The following FMN2 variants were observed in gnomAD, a reference collection of about 807,000 sequenced individuals.
The protein encoded by FMN2 is formin 2.
Under a neutral mutation model 142.3 loss-of-function variants are expected in FMN2, and 51 were observed. The ratio of observed to expected loss-of-function variants is 0.36; its 90% confidence interval spans 0.29 to 0.45. The LOEUF is 0.45. Among genes scored for constraint, FMN2 ranks in the 20% least tolerant of loss-of-function variants. The pLI, the probability that FMN2 is intolerant of heterozygous loss-of-function variation, is 1.00. For missense variants in FMN2, 1,936 were observed against 2,122.8 expected (o/e 0.91, Z 1.73); for synonymous variants, 882 against 869.8 (o/e 1.01, Z -0.25).
At chr1:240,191,394 A>G (rs1665690950) in intron 4 of FMN2, among the ~76,000 whole-genome samples, 1 of 152,234 alleles carries the variant, frequency 6.6e-6, no homozygotes, top group South Asian at 2.1e-4. Flanking sequence ...TCAAGTGAAA[A>G]GAACGGACTG....
intron 6 of FMN2, among the ~76,000 whole-genome samples, chr1:240,248,949 A>AT (rs1336782835): frequency 6.6e-6 from 1 of 151,698 alleles, no homozygotes; most frequent in Admixed American, 6.6e-5. Flanking sequence ...TTACTTATTC[A>AT]TTTTTTTATG....
At chr1:240,387,735 T>C (rs2103090458) in intron 14 of FMN2, among the ~76,000 whole-genome samples, 1 of 152,246 alleles carries the variant, frequency 6.6e-6, no homozygotes, top group South Asian at 2.1e-4. Flanking sequence ...AACAAGGAAA[T>C]ATGTGAGATT....
At chr1:240,223,976 A>G (rs1321999340) in intron 6 of FMN2, among the ~76,000 whole-genome samples, 1 of 151,768 alleles carries the variant, frequency 6.6e-6, no homozygotes, top group East Asian at 1.9e-4. Context: ...CCATGTCTCT[A>G]TCTCCTTCAG....
chr1:240,398,818 C>G (rs1673877300), intron 15 of FMN2, among the ~76,000 whole-genome samples: 1 of 152,158 alleles, frequency 6.6e-6, no homozygotes, highest in Non-Finnish European at 1.5e-5. Flanking sequence ...ATTAAATGAT[C>G]TCTGGCAGAT....
In FMN2 at chr1:240,453,946, G is replaced by A. The variant is rs568894315; in HGVS notation, c.5060+15736G>A. Among the ~76,000 whole-genome samples, 32 of 93,774 alleles carry A rather than the reference G, an allele frequency of 3.4e-4. 14 individuals carry two copies. The highest frequency in any genetic ancestry group is 4.5e-4 in the Non-Finnish European group (20 of 44,688). 61.5% of individuals were successfully genotyped at this position (93,774 alleles called of 152,430 possible). ...GGAGCTTGCAGTGAGCCGAGATTGC[G>A]CCACTGCAGTCCGCAGTCCGGCCTG... On this transcript the variant is annotated intron_variant, in intron 16 of 17. Transcript: ENST00000319653.
intron 7 of FMN2, among the ~76,000 whole-genome samples, chr1:240,283,164 C>A (rs556688422): frequency 6.6e-6 from 1 of 152,304 alleles, no homozygotes; most frequent in Non-Finnish European, 1.5e-5. Context: ...TTCCTTCTTA[C>A]ATCTTCTCAG....
intron 8 of FMN2, among the ~76,000 whole-genome samples, chr1:240,317,198 C>A (rs1311538467): frequency 2.0e-5 from 3 of 152,066 alleles, no homozygotes; most frequent in Non-Finnish European, 4.4e-5. Flanking sequence ...CACCTGTAGT[C>A]CTAGCTGCTC....
At chr1:240,266,947 CA>C (rs1278114486) in intron 7 of FMN2, among the ~76,000 whole-genome samples, 1 of 151,970 alleles carries the variant, frequency 6.6e-6, no homozygotes. Flanking sequence ...AAAATTAACT[CA>C]AGATGGATTA....
intron 6 of FMN2, among the ~76,000 whole-genome samples, chr1:240,247,379 G>A (rs1314325820): frequency 6.6e-6 from 1 of 152,006 alleles, no homozygotes; most frequent in African/African-American, 2.4e-5. Flanking sequence ...CCGCATGCCT[G>A]TAACCTCAGC....
intron 6 of FMN2, among the ~76,000 whole-genome samples, chr1:240,244,130 G>T (rs1327685423): frequency 6.6e-6 from 1 of 152,078 alleles, no homozygotes. Context: ...TTGCCTTATT[G>T]GATCTGGCCA....
intron 8 of FMN2, among the ~76,000 whole-genome samples, chr1:240,305,956 T>TTTTTGTTTTG (rs1670376865): frequency 6.6e-6 from 1 of 151,714 alleles, no homozygotes; most frequent in African/African-American, 2.4e-5. Context: ...TGTAAGTTTT[T>TTTTTGTTTTG]TTTTTTTTTT....
chr1:240,299,648 T>C (rs1165352709), intron 8 of FMN2, among the ~76,000 whole-genome samples: 1 of 152,188 alleles, frequency 6.6e-6, no homozygotes, highest in Non-Finnish European at 1.5e-5. Flanking sequence ...CTTGTTGATG[T>C]AATTTCAGAC....
At chr1:240,168,881 A>T (rs1187237139) in intron 2 of FMN2, among the ~76,000 whole-genome samples, 1 of 152,158 alleles carries the variant, frequency 6.6e-6, no homozygotes, top group African/African-American at 2.4e-5. Context: ...AGCACATCTG[A>T]TCAACACAAT....
intron 3 of FMN2, among the ~76,000 whole-genome samples, chr1:240,186,602 C>T (rs1260123537): frequency 6.6e-6 from 1 of 152,268 alleles, no homozygotes; most frequent in East Asian, 1.9e-4. Flanking sequence ...CAGAGTGGGG[C>T]TTGCAGATTT....
At chr1:240,313,680 T>C (rs1053456964) in intron 8 of FMN2, among the ~76,000 whole-genome samples, 2 of 152,010 alleles carry the variant, frequency 1.3e-5, no homozygotes, top group Non-Finnish European at 2.9e-5. Flanking sequence ...TAAAATAGTG[T>C]ATACTGCCCG....
Position 240,230,871 on chromosome 1 carries a change from G to C in FMN2, c.4065+19636G>C, listed in dbSNP as rs1667507457. ...AGCATGTTCTTCATGCTAGAAGCTAGAATCTGAGTTGAAATCCACTTGCAG... is the reference window on the plus strand; with the variant it reads ...AGCATGTTCTTCATGCTAGAAGCTACAATCTGAGTTGAAATCCACTTGCAG... On this transcript the variant is annotated intron_variant, in intron 6 of 17. Coordinates refer to ENST00000319653, the MANE Select transcript of FMN2 (RefSeq NM_020066.5). 1.5e-5 allele frequency among the ~76,000 whole-genome samples: 2 copies of C among 131,820 alleles called. 1 individual carries two copies. The highest frequency in any genetic ancestry group is 1.4e-4 in the Admixed American group (2 of 13,800). The allele number at this position is 131,820 out of a possible 152,430, so 86.5% of individuals were successfully genotyped here.
intron 3 of FMN2, among the ~76,000 whole-genome samples, chr1:240,186,846 A>C (rs1265238441): frequency 6.6e-6 from 1 of 152,202 alleles, no homozygotes; most frequent in African/African-American, 2.4e-5. Flanking sequence ...GAGTGAAATG[A>C]AAACTTTCAT....
intron 7 of FMN2, among the ~76,000 whole-genome samples, chr1:240,280,997 A>AT (rs910355503): frequency 2.0e-5 from 3 of 152,178 alleles, no homozygotes; most frequent in South Asian, 2.1e-4. Flanking sequence ...CTTGGTATCC[A>AT]TTTTTTTCCC....
intron 5 of FMN2, among the ~76,000 whole-genome samples, chr1:240,210,491 C>T (rs563975761): frequency 6.6e-6 from 1 of 152,312 alleles, no homozygotes; most frequent in East Asian, 1.9e-4. Flanking sequence ...TACCACGCCA[C>T]TTATGTATGT....
Sources: gnomAD v4.1 joint callset for allele counts (sites outside exome capture counted in the v4.1 genomes callset) on GRCh38, gnomAD v4.1.1 for gene constraint, MANE v1.5 for transcripts, NCBI Gene and HGNC (gene_info 2026-07-23, HGNC 2026-07-21) for gene names.